SPDYA: variants seen among roughly 807,000 people sequenced by gnomAD.
SPDYA encodes the protein speedy protein A.
SPDYA carries 11 observed loss-of-function variants against 36.7 expected under a neutral mutation model. That is an observed-to-expected ratio of 0.30 (90% CI 0.19 to 0.50). The LOEUF (loss-of-function observed/expected upper bound fraction) is 0.50, where lower values mean the gene tolerates loss of function less well. Ranked by LOEUF, SPDYA falls within the 20% of genes least tolerant of loss-of-function variation. The probability of loss-of-function intolerance (pLI) is 0.98; values close to 1 mark genes in which losing one functional copy is unlikely to be tolerated. For synonymous variants in SPDYA, 115 were observed against 118.7 expected, an observed-to-expected ratio of 0.97 and a Z score of 0.20; for missense variants, 287 against 370.9, an observed-to-expected ratio of 0.77 and a Z score of 1.86.
chr2:28,847,511 G>A (rs1400479490), intron 7 of SPDYA, among the ~76,000 whole-genome samples: 1 of 151,656 alleles, frequency 6.6e-6, no homozygotes. Context: ...GGAGGCCGAG[G>A]CAGGTGGATG....
rs372929357 is a variant in SPDYA, at chr2:28,843,271, G to A, written c.850+2802G>A. ...TGTCAAAAATTTGACTTTTGGGGCC[G>A]GGCACGGTGGCTTGTGCCTGTAATC... On this transcript the variant is annotated intron_variant, in intron 7 of 7. Transcript: ENST00000334056. 2.2e-4 allele frequency among the ~76,000 whole-genome samples: 34 copies of A among 152,182 alleles called. No individual in the cohort carries two copies. The East Asian group carries it at 3.3e-3, about 15-fold the overall frequency.
chr2:28,846,760 C>CACAT (rs1234428658), intron 7 of SPDYA, among the ~76,000 whole-genome samples: 3 of 150,770 alleles, frequency 2.0e-5, no homozygotes, highest in Non-Finnish European at 4.4e-5. Context: ...CACACACACA[C>CACAT]ACACACACAC....
At chr2:28,846,683 G>C (rs1668883359) in intron 7 of SPDYA, among the ~76,000 whole-genome samples, 1 of 146,590 alleles carries the variant, frequency 6.8e-6, no homozygotes, top group Non-Finnish European at 1.5e-5. Context: ...GACTAGAATG[G>C]ACAACTACCA....
intron 5 of SPDYA, among the ~76,000 whole-genome samples, chr2:28,823,640 AAAAG>A (rs1668227748): frequency 2.8e-5 from 4 of 143,184 alleles, no homozygotes; most frequent in South Asian, 2.3e-4. Context: ...GAAAAAAAAA[AAAAG>A]AGTATATTTC....
rs1558318699 is a variant in SPDYA, at chr2:28,811,806, AGT to A, written c.-93+860_-93+861del. ...TCTACAAAAAATAACTTAAAAAAAAAGTATCCTGGCATGGTGGCGGGCGCCTG... is the reference window on the plus strand; with the variant it reads ...TCTACAAAAAATAACTTAAAAAAAAAATCCTGGCATGGTGGCGGGCGCCTG... On this transcript the variant is annotated intron_variant, in intron 1 of 7. Coordinates refer to ENST00000334056, the MANE Select transcript of SPDYA (RefSeq NM_182756.4). The surrounding 1 kb of genome is among the most constrained non-coding windows in gnomAD (Gnocchi z 4.2). Among the ~76,000 whole-genome samples, 1 of 151,844 alleles carries A rather than the reference AGT, an allele frequency of 6.6e-6. No individual in the cohort carries two copies. The highest frequency in any genetic ancestry group is 2.4e-5 in the African/African-American group (1 of 41,310).
At chr2:28,838,552 G>A (rs770307549) in intron 6 of SPDYA, among the ~76,000 whole-genome samples, 8 of 152,056 alleles carry the variant, frequency 5.3e-5, no homozygotes, top group South Asian at 2.1e-4. Context: ...ACTTATCACA[G>A]TAAAATTCTA....
At chr2:28,839,034 A>C (rs943194324) in intron 6 of SPDYA, among the ~76,000 whole-genome samples, 1 of 152,230 alleles carries the variant, frequency 6.6e-6, no homozygotes, top group African/African-American at 2.4e-5. Context: ...GCACATATGT[A>C]CAGTTCCCCA....
intron 1 of SPDYA, among the ~76,000 whole-genome samples, chr2:28,813,700 T>C (rs1667911678): frequency 6.6e-6 from 1 of 151,938 alleles, no homozygotes; most frequent in Admixed American, 6.6e-5. Context: ...TACAGGCGCC[T>C]GCCACCATGC....
intron 6 of SPDYA, among the ~76,000 whole-genome samples, chr2:28,837,764 T>TA (rs1487830730): frequency 2.2e-4 from 30 of 133,778 alleles, no homozygotes; most frequent in African/African-American, 8.2e-4. Context: ...TTTTTTTTTT[T>TA]AATTTTTTCA....
At chr2:28,836,577 TA>T (rs1224444152) in intron 6 of SPDYA, among the ~76,000 whole-genome samples, 1 of 152,220 alleles carries the variant, frequency 6.6e-6, no homozygotes, top group East Asian at 1.9e-4. Context: ...AAAAGCCAGG[TA>T]TTATCCTTGA....
intron 2 of SPDYA, 76 bp from the exon 3 acceptor site, chr2:28,815,921 G>T (rs1667972117): frequency 1.1e-6 from 1 of 897,876 alleles, no homozygotes; most frequent in East Asian, 2.5e-5. Context: ...GACTGCATAT[G>T]GTAGTATCAT....
chr2:28,825,181 T>C (rs975729398), intron 5 of SPDYA, among the ~76,000 whole-genome samples: 2 of 152,046 alleles, frequency 1.3e-5, no homozygotes, highest in Non-Finnish European at 2.9e-5. Context: ...CTAAGTTAAA[T>C]TGCTGTTTAT....
At chr2:28,848,944 C>A (rs1354490233) in intron 7 of SPDYA, among the ~76,000 whole-genome samples, 3 of 151,898 alleles carry the variant, frequency 2.0e-5, no homozygotes, top group Non-Finnish European at 4.4e-5. Context: ...ACATGGGAAG[C>A]TGAGGTGGGA....
Position 28,833,562 on chromosome 2 carries a change from G to A in SPDYA, c.552+4243G>A, listed in dbSNP as rs146054957. Among the ~76,000 whole-genome samples, 277 of 152,156 alleles carry A rather than the reference G, an allele frequency of 1.8e-3. 1 individual carries two copies. The highest frequency in any genetic ancestry group is 2.4e-3 in the Non-Finnish European group (164 of 67,994). On this transcript the variant is annotated intron_variant, in intron 6 of 7. Transcript: ENST00000334056. ...GAATAGAAGTGTCCAGAAATATACC[G>A]TCACAATTATGTTCAATTGAATTTT... is the stretch of plus-strand genomic sequence containing the variant.
At chr2:28,838,441 A>G (rs1033151043) in intron 6 of SPDYA, among the ~76,000 whole-genome samples, 9 of 152,056 alleles carry the variant, frequency 5.9e-5, no homozygotes, top group African/African-American at 1.4e-4. Context: ...TCAGCCTCCC[A>G]AAGTGCTGGG....
intron 6 of SPDYA, among the ~76,000 whole-genome samples, chr2:28,833,933 A>C (rs112823657): frequency 6.6e-6 from 1 of 152,152 alleles, no homozygotes; most frequent in African/African-American, 2.4e-5. Context: ...AAATGAAAAA[A>C]ATTTTTTGCA....
chr2:28,816,096 C>A lies in SPDYA; in HGVS notation c.82C>A (p.Pro28Thr), dbSNP rs370955960. The A allele has an allele frequency of 6.2e-7, 1 of 1,613,826 alleles. No individual in the cohort carries two copies. Among genetic ancestry groups the A allele is most frequent in the East Asian group, 2.2e-5 (1 of 44,850 alleles). The change falls in exon 3 of 8, where the codon CCT (proline) becomes ACT (threonine). Residue 28 changes from proline to threonine, a missense_variant. Coordinates refer to ENST00000334056, the MANE Select transcript of SPDYA (RefSeq NM_182756.4). ...ATCAGGGTCAAATAGATCACATCAG[C>A]CTAAAAAGCCCATTACTCTGAAGCG... is the stretch of plus-strand genomic sequence containing the variant. ...VKSGSNRSHQ[P>T]KKPITLKRPI...
At chr2:28,813,683 C>T (rs1667911067) in intron 1 of SPDYA, among the ~76,000 whole-genome samples, 1 of 151,992 alleles carries the variant, frequency 6.6e-6, no homozygotes, top group South Asian at 2.1e-4. Context: ...TCCCCAGTAG[C>T]TGGGACTACA....
chr2:28,843,514 C>A lies in SPDYA; in HGVS notation c.850+3045C>A, dbSNP rs528531903. Reference sequence around the variant, plus strand: ...GCAGTGAGCTGAGATGGTGCCACTGCACTCCAGCCTGTGCAAAAAGAGCAA... The same window carrying A: ...GCAGTGAGCTGAGATGGTGCCACTGAACTCCAGCCTGTGCAAAAAGAGCAA... On this transcript the variant is annotated intron_variant, in intron 7 of 7. Transcript: ENST00000334056. Among the ~76,000 whole-genome samples the A allele has an allele frequency of 4.3e-4, 63 of 145,890 alleles. 1 individual carries two copies. The highest frequency in any genetic ancestry group is 1.8e-4 in the Non-Finnish European group (12 of 67,216).
Sources: gnomAD v4.1 joint callset for allele counts (sites outside exome capture counted in the v4.1 genomes callset) on GRCh38, gnomAD v4.1.1 for gene constraint, Gnocchi (gnomAD v3.1) non-coding constraint, MANE v1.5 for transcripts, NCBI Gene and HGNC (gene_info 2026-07-23, HGNC 2026-07-21) for gene names.